The following DLGAP2 variants were observed in gnomAD, a reference collection of about 807,000 sequenced individuals.
DLGAP2 encodes DLG associated protein 2, also known as disks large-associated protein 2.
A neutral mutation model predicts 100.3 loss-of-function variants in DLGAP2; 26 were observed. The ratio of observed to expected loss-of-function variants is 0.26; its 90% CI spans 0.19 to 0.36. The LOEUF (loss-of-function observed/expected upper bound fraction) is 0.36, where lower values mean the gene tolerates loss of function less well. DLGAP2 is among the 10% of genes least tolerant of loss of function. The pLI is 1.00. For missense variants in DLGAP2, 1,858 were observed against 1,453.2 expected (o/e 1.28, Z -4.53); for synonymous variants, 886 against 630.1 (o/e 1.41, Z -6.08).
At chr8:1,024,004 T>G (rs892474420) in intron 2 of DLGAP2, among the ~76,000 whole-genome samples, 3 of 151,854 alleles carry the variant, frequency 2.0e-5, no homozygotes, top group African/African-American at 7.3e-5. Context: ...CTCTTGTGTC[T>G]CAGGGCCCCT....
At chr8:908,369 C>A (rs1243796044) in intron 2 of DLGAP2, among the ~76,000 whole-genome samples, 2 of 152,116 alleles carry the variant, frequency 1.3e-5, no homozygotes, top group African/African-American at 4.8e-5. Flanking sequence ...GCAGTCAAGG[C>A]CTTTCTTTGT....
At chr8:1,272,364 G>C (rs887503918) in intron 3 of DLGAP2, among the ~76,000 whole-genome samples, 5 of 152,026 alleles carry the variant, frequency 3.3e-5, no homozygotes, top group Admixed American at 6.6e-5. Flanking sequence ...CAAAAAGTGA[G>C]ATTGAGCTGG....
intron 2 of DLGAP2, among the ~76,000 whole-genome samples, chr8:963,939 C>CT (rs1019292004): frequency 6.6e-6 from 1 of 152,144 alleles, no homozygotes; most frequent in African/African-American, 2.4e-5. Flanking sequence ...AGAACTGACT[C>CT]TTTTTTTATC....
At chr8:1,489,322 G>A (rs995941790) in intron 3 of DLGAP2, among the ~76,000 whole-genome samples, 11 of 152,216 alleles carry the variant, frequency 7.2e-5, no homozygotes, top group East Asian at 1.9e-4. Context: ...GGCACCATGC[G>A]TGGATGGCAC....
At chr8:1,032,376 C>T (rs1401303713) in intron 2 of DLGAP2, among the ~76,000 whole-genome samples, 1 of 152,208 alleles carries the variant, frequency 6.6e-6, no homozygotes, top group African/African-American at 2.4e-5. Context: ...ACCTGGCTCC[C>T]AGCGATTTCT....
chr8:1,158,585 C>T (rs867178294), intron 2 of DLGAP2, among the ~76,000 whole-genome samples: 1 of 152,192 alleles, frequency 6.6e-6, no homozygotes, highest in Non-Finnish European at 1.5e-5. Flanking sequence ...TGGCTTTGGA[C>T]GATACCTGTG....
intron 2 of DLGAP2, among the ~76,000 whole-genome samples, chr8:920,919 C>T (rs1414586200): frequency 1.3e-5 from 2 of 152,212 alleles, no homozygotes; most frequent in African/African-American, 4.8e-5. Flanking sequence ...GCAGGATGAG[C>T]TGAATCCTGG....
chr8:1,390,683 C>G (rs117925924), intron 3 of DLGAP2, among the ~76,000 whole-genome samples: 150 of 152,292 alleles, frequency 9.8e-4, no homozygotes, highest in Middle Eastern at 6.8e-3. Flanking sequence ...TGATCTGAGT[C>G]TCTTGTTGGG....
At chr8:1,524,807 G>A (rs973899218) in intron 4 of DLGAP2, among the ~76,000 whole-genome samples, 1 of 152,048 alleles carries the variant, frequency 6.6e-6, no homozygotes, top group African/African-American at 2.4e-5. Context: ...GAACATCTCA[G>A]GTCCTTCCGT....
At chr8:1,069,169 G>A (rs1803351290) in intron 2 of DLGAP2, among the ~76,000 whole-genome samples, 1 of 152,234 alleles carries the variant, frequency 6.6e-6, no homozygotes, top group African/African-American at 2.4e-5. Flanking sequence ...TATTTGTGGA[G>A]AACGAATTGG....
chr8:1,330,351 G>T (rs529516293), intron 3 of DLGAP2, among the ~76,000 whole-genome samples: 317 of 148,550 alleles, frequency 2.1e-3, no homozygotes, highest in Admixed American at 3.7e-3. Flanking sequence ...CGGGGACTGA[G>T]TTCTGGGTGG....
intron 3 of DLGAP2, among the ~76,000 whole-genome samples, chr8:1,446,349 A>G (rs1399762065): frequency 6.6e-6 from 1 of 152,128 alleles, no homozygotes; most frequent in Non-Finnish European, 1.5e-5. Context: ...TAAATAGGGA[A>G]TCCTTTCCCC....
At chr8:1,026,185 A>C (rs1801794691) in intron 2 of DLGAP2, among the ~76,000 whole-genome samples, 1 of 151,984 alleles carries the variant, frequency 6.6e-6, no homozygotes, top group Non-Finnish European at 1.5e-5. Context: ...TTGTCACCTC[A>C]TCCAGGACGT....
chr8:948,679 C>T (rs1008535674), intron 2 of DLGAP2, among the ~76,000 whole-genome samples: 3 of 152,250 alleles, frequency 2.0e-5, no homozygotes, highest in African/African-American at 7.2e-5. Context: ...CGCGGCGCTG[C>T]CCGGCCCCAC....
intron 2 of DLGAP2, among the ~76,000 whole-genome samples, chr8:1,224,481 C>G (rs193080777): frequency 6.6e-6 from 1 of 151,994 alleles, no homozygotes; most frequent in Admixed American, 6.6e-5. Flanking sequence ...TATTTCATCT[C>G]AAAACTATTG....
At chr8:1,254,976 C>CTT (rs1563043210) in intron 2 of DLGAP2, among the ~76,000 whole-genome samples, 19 of 109,868 alleles carry the variant, frequency 1.7e-4, no homozygotes, top group African/African-American at 6.6e-4. Context: ...TCATCCTGTC[C>CTT]GGGTGCTGTG....
At chr8:1,119,391 C>T (rs1322926181) in intron 2 of DLGAP2, among the ~76,000 whole-genome samples, 1 of 152,212 alleles carries the variant, frequency 6.6e-6, no homozygotes. Flanking sequence ...GACTGTGCAT[C>T]TACTGCAGTG....
intron 3 of DLGAP2, among the ~76,000 whole-genome samples, chr8:1,313,716 C>G (rs1306620205): frequency 6.6e-6 from 1 of 152,144 alleles, no homozygotes; most frequent in Admixed American, 6.5e-5. Flanking sequence ...AAGAGGGTTT[C>G]AGTCACAGAC....
chr8:1,478,785 T>G (rs1339443580), intron 3 of DLGAP2, among the ~76,000 whole-genome samples: 1 of 152,194 alleles, frequency 6.6e-6, no homozygotes, highest in Non-Finnish European at 1.5e-5. Flanking sequence ...TTGCTGGGAA[T>G]GCCGGAAGGC....
Sources: gnomAD v4.1 joint callset for allele counts (sites outside exome capture counted in the v4.1 genomes callset) on GRCh38, gnomAD v4.1.1 for gene constraint, MANE v1.5 for transcripts, NCBI Gene and HGNC (gene_info 2026-07-23, HGNC 2026-07-21) for gene names.